The following PHF21B variants were observed in gnomAD, a reference collection of about 807,000 sequenced individuals.
PHF21B encodes PHD finger protein 4.
In PHF21B, 22 loss-of-function variants were observed where a neutral mutation model predicts 62.2. The observed-to-expected ratio is 0.35, with a 90% CI of 0.25 to 0.51. The LOEUF is 0.51. Among genes scored for constraint, PHF21B ranks in the 20% least tolerant of loss-of-function variants. PHF21B has a pLI of 0.97. For synonymous variants in PHF21B, 341 were observed against 314.7 expected (o/e 1.08, Z -0.88); for missense variants, 701 against 707.9 (o/e 0.99, Z 0.11).
At chr22:44,888,351 G>C (rs1212198693) in intron 9 of PHF21B, among the ~76,000 whole-genome samples, 1 of 152,206 alleles carries the variant, frequency 6.6e-6, no homozygotes, top group Non-Finnish European at 1.5e-5. Flanking sequence ...AGATTTACTA[G>C]GGGCTGGGGC....
chr22:44,952,758 A>C (rs772990905), intron 2 of PHF21B, among the ~76,000 whole-genome samples: 11 of 152,238 alleles, frequency 7.2e-5, no homozygotes, highest in Non-Finnish European at 1.6e-4. Context: ...GAAGAGCTAT[A>C]ATTATGAGCC....
rs2070913167 is a variant in PHF21B at position 44,889,059 on chromosome 22, T to G, written c.1038+701A>C. On this transcript the variant is annotated intron_variant, in intron 9 of 12. Coordinates refer to ENST00000313237, the MANE Select transcript of PHF21B (RefSeq NM_138415.5). ...AACCCGTGCCATTGCAGGGCTATTG[T>G]GAAAATGACACAGCCTAACCGGAGC... Among the ~76,000 whole-genome samples the G allele has an allele frequency of 2.6e-5, 4 of 152,360 alleles. No individual in the cohort carries two copies. The South Asian group carries it at 8.3e-4, about 32-fold the overall frequency.
At position 44,913,716 on chromosome 22, in the gene PHF21B, T is replaced by C. The variant is rs999419473; in HGVS notation, c.831+106A>G. 20 of 1,428,372 alleles carry C rather than the reference T, an allele frequency of 1.4e-5. No homozygotes were observed. In the African/African-American group the frequency reaches 2.1e-4, roughly 15 times the overall value. 88.5% of individuals were successfully genotyped at this position (1,428,372 alleles called of 1,614,324 possible). ...TGCACAGGGCAGCTGTGCCCACGGC[T>C]TGTCGGGACCACCCCACAGTGAGGC... is the stretch of plus-strand genomic sequence containing the variant. On this transcript the variant is annotated intron_variant, in intron 5 of 12. Transcript: ENST00000313237.
At chr22:44,939,851 G>A (rs894015901) in intron 2 of PHF21B, among the ~76,000 whole-genome samples, 1 of 152,180 alleles carries the variant, frequency 6.6e-6, no homozygotes. Context: ...GGCTGCCCAC[G>A]GAGGCAGGGA....
intron 2 of PHF21B, among the ~76,000 whole-genome samples, chr22:44,950,496 A>G (rs2147388487): frequency 6.6e-6 from 1 of 152,334 alleles, no homozygotes; most frequent in Middle Eastern, 3.4e-3. Flanking sequence ...GCGGTTAGAC[A>G]CTAAGAGTGA....
intron 2 of PHF21B, among the ~76,000 whole-genome samples, chr22:44,943,001 C>A (rs1247210999): frequency 1.3e-5 from 2 of 151,146 alleles, no homozygotes; most frequent in South Asian, 2.1e-4. Context: ...AGGGACCCCC[C>A]CCCCCCCATC....
chr22:44,954,193 T>C (rs758256892), intron 2 of PHF21B, among the ~76,000 whole-genome samples: 1 of 150,840 alleles, frequency 6.6e-6, no homozygotes, highest in Non-Finnish European at 1.5e-5. Flanking sequence ...TTCTTGTTGT[T>C]AAAAAAAAAA....
chr22:44,993,772 G>A (rs1412901151), intron 2 of PHF21B, among the ~76,000 whole-genome samples: 1 of 152,248 alleles, frequency 6.6e-6, no homozygotes, highest in Non-Finnish European at 1.5e-5. Context: ...TAGGTCGGCT[G>A]TGCTTCTAAA....
At chr22:44,892,119 C>G (rs994610118) in intron 7 of PHF21B, among the ~76,000 whole-genome samples, 11 of 152,216 alleles carry the variant, frequency 7.2e-5, no homozygotes, top group Admixed American at 6.5e-4. Flanking sequence ...CAGCAGCCTG[C>G]ATTTTCATGA....
intron 2 of PHF21B, among the ~76,000 whole-genome samples, chr22:44,991,827 G>A (rs556924887): frequency 1.3e-5 from 2 of 152,366 alleles, no homozygotes; most frequent in Admixed American, 6.5e-5. Context: ...GGCTGCCCTC[G>A]CTGGCCTTAC....
chr22:44,911,527 C>T (rs1261236143), intron 5 of PHF21B, among the ~76,000 whole-genome samples: 1 of 152,204 alleles, frequency 6.6e-6, no homozygotes, highest in African/African-American at 2.4e-5. Context: ...TAAAAGGGGC[C>T]AAGGTACCCC....
intron 2 of PHF21B, among the ~76,000 whole-genome samples, chr22:44,991,301 A>G (rs2073039198): frequency 1.3e-5 from 2 of 152,222 alleles, no homozygotes; most frequent in Non-Finnish European, 2.9e-5. Flanking sequence ...TCCACGGTGC[A>G]GTACAGATTC....
At chr22:45,008,378 T>C in intron 2 of PHF21B, 167 bp downstream of exon 2, 1 of 576,968 alleles carries the variant, frequency 1.7e-6, no homozygotes, top group Non-Finnish European at 2.6e-6. Context: ...AGAACCCGGC[T>C]CTTTCTTTCC....
rs868254524 is a variant in PHF21B at position 45,009,280 on chromosome 22, C to G, written c.54+216G>C. On this transcript the variant is annotated intron_variant, in intron 1 of 12. Transcript: ENST00000313237. The surrounding 1 kb of genome is among the most constrained non-coding windows in gnomAD (Gnocchi z 5.9). ...TCCAGGCTCGGGTCCCACGCGTCCTCGATCCCGCAAACTGTGCAGGACAGC... is the reference window on the plus strand; with the variant it reads ...TCCAGGCTCGGGTCCCACGCGTCCTGGATCCCGCAAACTGTGCAGGACAGC... 3.6e-6 allele frequency: 2 copies of G among 563,142 alleles called. No homozygotes were observed. Among genetic ancestry groups the G allele is most frequent in the African/African-American group, 4.0e-5 (2 of 49,844 alleles). 34.9% of individuals were successfully genotyped at this position (563,142 alleles called of 1,614,324 possible). A position where few individuals can be genotyped will look rare whatever the true frequency, so the allele number is the denominator to read the frequency against.
intron 2 of PHF21B, among the ~76,000 whole-genome samples, chr22:44,934,096 A>G (rs1209280977): frequency 6.6e-6 from 1 of 152,172 alleles, no homozygotes; most frequent in East Asian, 1.9e-4. Flanking sequence ...TGACGTGGGC[A>G]TGGCAGCCCG....
intron 2 of PHF21B, among the ~76,000 whole-genome samples, chr22:44,972,493 G>C (rs1010101526): frequency 1.3e-5 from 2 of 152,068 alleles, no homozygotes; most frequent in African/African-American, 4.8e-5. Context: ...CGGCTGCTCA[G>C]TGCAATGAGG....
At chr22:44,942,313 A>AT (rs2071974252) in intron 2 of PHF21B, among the ~76,000 whole-genome samples, 1 of 152,120 alleles carries the variant, frequency 6.6e-6, no homozygotes, top group African/African-American at 2.4e-5. Flanking sequence ...GCTCTGCCAG[A>AT]TTCCTGATCC....
At chr22:45,004,515 G>T (rs954462153) in intron 2 of PHF21B, among the ~76,000 whole-genome samples, 4 of 152,330 alleles carry the variant, frequency 2.6e-5, no homozygotes, top group Non-Finnish European at 5.9e-5. Context: ...AGCTTTTGGA[G>T]TTGTACTGAT....
In PHF21B at chr22:44,913,835, T is replaced by A; in HGVS notation, c.818A>T (p.Gln273Leu). The A allele has an allele frequency of 1.2e-6, 2 of 1,613,440 alleles. No homozygotes were observed. Among genetic ancestry groups the A allele is most frequent in the Non-Finnish European group, 1.7e-6 (2 of 1,179,852 alleles). Residue 273 changes from glutamine to leucine, a missense_variant, in exon 5 of 13, where the codon CAG (glutamine) becomes CTG (leucine). Gln to Leu is a moderately radical substitution (Grantham distance 113). Coordinates refer to ENST00000313237, the MANE Select transcript of PHF21B (RefSeq NM_138415.5). ...GGCCTGTCCTACCTCGGGGTTCTCC[T>A]GGGTCGGGGGCCGGTCTTCCTTCTT... is the stretch of plus-strand genomic sequence containing the variant. ...KKKKEDRPPT[Q>L]ENPEKIAFMV...
Sources: gnomAD v4.1 joint callset for allele counts (sites outside exome capture counted in the v4.1 genomes callset) on GRCh38, gnomAD v4.1.1 for gene constraint, Gnocchi (gnomAD v3.1) non-coding constraint, MANE v1.5 for transcripts, NCBI Gene and HGNC (gene_info 2026-07-23, HGNC 2026-07-21) for gene names.